The following IQCE variants were observed in gnomAD, a reference collection of about 807,000 sequenced individuals.
IQCE encodes the protein IQ motif containing E.
A neutral mutation model predicts 96.0 loss-of-function variants in IQCE; 115 were observed. The observed-to-expected ratio is 1.20, with a 90% CI of 1.03 to 1.40. The LOEUF (loss-of-function observed/expected upper bound fraction) is 1.40, where lower values mean the gene tolerates loss of function less well. Among genes scored for constraint, IQCE ranks in the 40% most tolerant of loss-of-function variants. The probability of loss-of-function intolerance (pLI) is 0.00; values close to 1 mark genes in which losing one functional copy is unlikely to be tolerated. For synonymous variants in IQCE, 412 were observed against 371.2 expected, an observed-to-expected ratio of 1.11 and a Z score of -1.26; for missense variants, 1,041 against 909.1, an observed-to-expected ratio of 1.15 and a Z score of -1.87.
intron 5 of IQCE, among the ~76,000 whole-genome samples, chr7:2,572,540 A>T (rs964957747): frequency 6.6e-6 from 1 of 152,244 alleles, no homozygotes; most frequent in Non-Finnish European, 1.5e-5. Flanking sequence ...TCGTGGGTGC[A>T]GGGATATCTC....
At chr7:2,593,759 C>T (rs544632905) in intron 15 of IQCE, among the ~76,000 whole-genome samples, 1 of 152,222 alleles carries the variant, frequency 6.6e-6, no homozygotes, top group Non-Finnish European at 1.5e-5. Context: ...GGCTTCCTTT[C>T]TGGGGCGATG....
chr7:2,572,234 A>G lies in IQCE; in HGVS notation c.302A>G (p.His101Arg), dbSNP rs748060939. Residue 101 changes from histidine (H) to arginine (R), a missense_variant, in exon 5 of 22, where the codon CAT (histidine) becomes CGT (arginine). By Grantham distance (29) the His-to-Arg change is conservative. Transcript: ENST00000402050. ...CTGAACTCACCCCTCACCTGGGAGC[A>G]TGCGTGGACTGGCGTCCCCGGCGGC... is the stretch of plus-strand genomic sequence containing the variant. The part of the protein sequence containing the change: ...QALNSPLTWE[H>R]AWTGVPGGTP... 1.2e-6 allele frequency: 2 copies of G among 1,614,176 alleles called. No homozygotes were observed. The highest frequency in any genetic ancestry group is 2.2e-5 in the South Asian group (2 of 91,088).
At chr7:2,563,934 G>T (rs934865953) in intron 1 of IQCE, among the ~76,000 whole-genome samples, 2 of 151,218 alleles carry the variant, frequency 1.3e-5, no homozygotes, top group African/African-American at 4.9e-5. Context: ...CATCAGCCGG[G>T]CACAGTGGTT....
intron 20 of IQCE, 31 bp from the exon 21 acceptor site, chr7:2,607,093 G>A: frequency 6.4e-7 from 1 of 1,564,520 alleles, no homozygotes. Flanking sequence ...TCTAAAAGCA[G>A]AATCAGCTGG....
At chr7:2,576,686 A>G (rs899784321) in intron 6 of IQCE, among the ~76,000 whole-genome samples, 4 of 152,142 alleles carry the variant, frequency 2.6e-5, no homozygotes, top group Non-Finnish European at 5.9e-5. Flanking sequence ...GGGGTAAGCC[A>G]CCGTGCCCGG....
chr7:2,601,393 C>A lies in IQCE; in HGVS notation c.1609-48C>A, dbSNP rs533590233. 55 of 1,264,232 alleles carry A rather than the reference C, an allele frequency of 4.4e-5. 1 individual carries two copies. In the South Asian group the frequency reaches 6.3e-4, roughly 15 times the overall value. 78.3% of individuals were successfully genotyped at this position (1,264,232 alleles called of 1,614,324 possible). On this transcript the variant is annotated intron_variant, in intron 17 of 21. Coordinates refer to ENST00000402050, the MANE Select transcript of IQCE (RefSeq NM_152558.5). ...ATGAAGGAATCAAAACCACATTCAT[C>A]CTTCTCGTGTTAATTCATGTATTTT...
At chr7:2,597,100 C>T (rs753291342) in intron 16 of IQCE, 4 of 470,826 alleles carry the variant, frequency 8.5e-6, no homozygotes, top group South Asian at 4.6e-5. Context: ...AAGACCTGGG[C>T]CAGGGCCTTT....
rs763167432 is a variant in IQCE at position 2,586,227 on chromosome 7, A to T, written c.844A>T (p.Thr282Ser). ...TGKKPLGEKK[T>S]GAKRQKKMGS... is the part of the protein sequence containing the mutation. Reference sequence around the variant, plus strand: ...TTCCAGGCCCCTGGGGGAGAAGAAGACGGGCGCCAAAAGGCAGAAGAAGAT... The same window carrying T: ...TTCCAGGCCCCTGGGGGAGAAGAAGTCGGGCGCCAAAAGGCAGAAGAAGAT... The change falls in exon 12 of 22, where the codon ACG (threonine) becomes TCG (serine). Residue 282 changes from threonine (T) to serine (S), a missense_variant. By Grantham distance (58) the Thr-to-Ser change is moderately conservative. Transcript: ENST00000402050. 2 of 1,613,814 alleles carry T rather than the reference A, an allele frequency of 1.2e-6. No homozygotes were observed. The highest frequency in any genetic ancestry group is 1.7e-6 in the Non-Finnish European group (2 of 1,179,920).
At chr7:2,600,627 A>G (rs959904856) in intron 17 of IQCE, among the ~76,000 whole-genome samples, 6 of 151,636 alleles carry the variant, frequency 4.0e-5, no homozygotes, top group Admixed American at 1.3e-4. Flanking sequence ...TGTCTGTCTC[A>G]CTCTTATTCA....
At chr7:2,567,083 G>T (rs115071996) in intron 1 of IQCE, 33 bp from the exon 2 acceptor site, 7 of 1,602,974 alleles carry the variant, frequency 4.4e-6, no homozygotes, top group Admixed American at 1.7e-5. Flanking sequence ...AGCAGGTGCC[G>T]TCGAGTTACA....
rs1451201752 is a variant in IQCE at position 2,584,176 on chromosome 7, A to G, written c.775-60A>G. The G allele has an allele frequency of 4.8e-6, 7 of 1,459,606 alleles. No homozygotes were observed. In the Admixed American group the frequency reaches 8.4e-5, roughly 17 times the overall value. 90.4% of individuals were successfully genotyped at this position (1,459,606 alleles called of 1,614,324 possible). On this transcript the variant is annotated intron_variant, in intron 10 of 21. Transcript: ENST00000402050. Reference sequence around the variant, plus strand: ...TCAGGACTGTGATGTTGGTCTTTTCAGATAAGGTCTTCTCCATGCTAGCCT... The same window carrying G: ...TCAGGACTGTGATGTTGGTCTTTTCGGATAAGGTCTTCTCCATGCTAGCCT...
At chr7:2,608,955 C>T (rs530962510) in intron 21 of IQCE, among the ~76,000 whole-genome samples, 2 of 152,352 alleles carry the variant, frequency 1.3e-5, no homozygotes, top group Admixed American at 6.5e-5. Flanking sequence ...GACACAGTTA[C>T]AGTATCTGCG....
intron 15 of IQCE, among the ~76,000 whole-genome samples, chr7:2,593,950 G>A (rs1290372674): frequency 6.6e-6 from 1 of 152,192 alleles, no homozygotes; most frequent in Admixed American, 6.5e-5. Context: ...TAATTAGTAA[G>A]ACATAGACTA....
At chr7:2,606,047 G>A (rs753379905) in intron 20 of IQCE, 50 bp downstream of exon 20, 4 of 1,561,488 alleles carry the variant, frequency 2.6e-6, no homozygotes, top group Admixed American at 1.8e-5. Flanking sequence ...ACGAGAGGCT[G>A]CCCACCGCAC....
intron 1 of IQCE, among the ~76,000 whole-genome samples, chr7:2,559,970 G>A (rs1308692814): frequency 6.6e-6 from 1 of 151,980 alleles, no homozygotes; most frequent in Non-Finnish European, 1.5e-5. Flanking sequence ...ACCAGCCTGG[G>A]CAACATCGCA....
intron 5 of IQCE, chr7:2,572,616 A>C: frequency 1.7e-6 from 1 of 573,070 alleles, no homozygotes; most frequent in Non-Finnish European, 3.2e-6. Context: ...CATTGAGTAA[A>C]TGATATTAGG....
At chr7:2,592,599 C>T (rs894432816) in intron 14 of IQCE, among the ~76,000 whole-genome samples, 1 of 152,250 alleles carries the variant, frequency 6.6e-6, no homozygotes, top group Non-Finnish European at 1.5e-5. Context: ...ACGCAAGAAA[C>T]GCATCTGGGA....
intron 21 of IQCE, among the ~76,000 whole-genome samples, chr7:2,608,572 C>G (rs999897042): frequency 6.6e-6 from 1 of 152,202 alleles, no homozygotes; most frequent in Non-Finnish European, 1.5e-5. Flanking sequence ...TGTACAGACA[C>G]GCAAAGCGGT....
At chr7:2,574,316 AG>A (rs747180400) in intron 6 of IQCE, among the ~76,000 whole-genome samples, 13 of 152,250 alleles carry the variant, frequency 8.5e-5, no homozygotes, top group Non-Finnish European at 1.5e-4. Flanking sequence ...AGCACGGAAG[AG>A]GATCTGGAAG....
Sources: allele counts gnomAD v4.1 joint callset (sites outside exome capture counted in the v4.1 genomes callset), GRCh38; gene constraint gnomAD v4.1.1; transcripts MANE v1.5; gene names NCBI Gene and HGNC (gene_info 2026-07-23, HGNC 2026-07-21).